Variants in PBLD observed in about 807,000 individuals in gnomAD.
The protein encoded by PBLD is phenazine biosynthesis like protein domain containing.
In PBLD, 26 loss-of-function variants were observed where a neutral mutation model predicts 31.3. That is an observed-to-expected ratio of 0.83 (90% CI 0.61 to 1.15). The LOEUF (loss-of-function observed/expected upper bound fraction) is 1.15. Ranked by LOEUF, PBLD falls within the 50% of genes most tolerant of loss-of-function variation. The pLI, the probability that PBLD is intolerant of heterozygous loss-of-function variation, is 0.00. For missense variants in PBLD, 307 were observed against 351.7 expected (o/e 0.87, Z 1.02); for synonymous variants, 114 against 129.0 (o/e 0.88, Z 0.79).
intron 1 of PBLD, chr10:68,332,099 A>G (rs1428360626): frequency 1.3e-5 from 2 of 152,196 alleles, no homozygotes; most frequent in Non-Finnish European, 2.9e-5. Flanking sequence ...AGCGGTTGTC[A>G]CCGCTGGAGA....
Position 68,310,614 on chromosome 10 carries a change from AC to A in PBLD, c.-59-3712del, listed in dbSNP as rs2044653574. 1.4e-5 allele frequency among the ~76,000 whole-genome samples: 2 copies of A among 142,392 alleles called. 1 individual carries two copies. The highest frequency in any genetic ancestry group is 5.2e-5 in the African/African-American group (2 of 38,582). The allele number at this position is 142,392 out of a possible 152,430, so 93.4% of individuals were successfully genotyped here. A position where few individuals can be genotyped will look rare whatever the true frequency, so the allele number is the denominator to read the frequency against. On this transcript the variant is annotated intron_variant, in intron 1 of 9. Transcript: ENST00000358769. Reference sequence around the variant, plus strand: ...TCCCCAACCACTCCCCTCCCCAGCCACCCCCACCTCTGACAACCACCATTCT... The same window carrying A: ...TCCCCAACCACTCCCCTCCCCAGCCACCCCACCTCTGACAACCACCATTCT...
At chr10:68,286,085 C>CTGTTT (rs770054927) in intron 8 of PBLD, among the ~76,000 whole-genome samples, 23 of 103,422 alleles carry the variant, frequency 2.2e-4, no homozygotes, top group African/African-American at 8.4e-4. Context: ...TTGAATAATT[C>CTGTTT]TTTTTTTTTT....
intron 1 of PBLD, among the ~76,000 whole-genome samples, chr10:68,310,887 A>AGAC (rs2044658665): frequency 7.3e-6 from 1 of 137,772 alleles, no homozygotes; most frequent in Admixed American, 7.9e-5. Flanking sequence ...AAAATATCAT[A>AGAC]AGCTGAAAAT....
At chr10:68,300,348 C>A (rs2134457538) in intron 2 of PBLD, among the ~76,000 whole-genome samples, 1 of 152,268 alleles carries the variant, frequency 6.6e-6, no homozygotes, top group South Asian at 2.1e-4. Context: ...CTGCCCATCA[C>A]AAAGACAAAC....
At chr10:68,319,051 GAGAGAAAGAAAGAAAGAAAGAAAGAA>G (rs1564737358) in intron 1 of PBLD, among the ~76,000 whole-genome samples, 3 of 98,710 alleles carry the variant, frequency 3.0e-5, no homozygotes, top group African/African-American at 1.4e-4. Context: ...GAAAGAAAGA[GAGAGAAAGAAAGAAAGAAAGAAAGAA>G]AGAAAGAAAG....
intron 1 of PBLD, among the ~76,000 whole-genome samples, chr10:68,310,142 A>G (rs2044646053): frequency 6.7e-6 from 1 of 150,038 alleles, no homozygotes. Flanking sequence ...TCTCAAAAAG[A>G]AAAAAGAAAA....
intron 1 of PBLD, among the ~76,000 whole-genome samples, chr10:68,313,130 G>T (rs184440024): frequency 2.0e-4 from 30 of 152,186 alleles, no homozygotes; most frequent in African/African-American, 7.0e-4. Flanking sequence ...GCCCAAGCTG[G>T]TCTCAAACTC....
chr10:68,316,069 A>C (rs1384925759), intron 1 of PBLD, among the ~76,000 whole-genome samples: 2 of 152,220 alleles, frequency 1.3e-5, no homozygotes, highest in Non-Finnish European at 2.9e-5. Context: ...TCAACAACAA[A>C]AAAGAGGTGT....
At chr10:68,316,231 A>G (rs1268148549) in intron 1 of PBLD, among the ~76,000 whole-genome samples, 1 of 152,200 alleles carries the variant, frequency 6.6e-6, no homozygotes, top group Non-Finnish European at 1.5e-5. Context: ...CCAAGTCTAA[A>G]AAACTAAAGC....
At chr10:68,298,141 A>G (rs2044456167) in intron 2 of PBLD, among the ~76,000 whole-genome samples, 1 of 152,106 alleles carries the variant, frequency 6.6e-6, no homozygotes, top group Admixed American at 6.6e-5. Flanking sequence ...TATGGTCCAG[A>G]CTATACGGGA....
intron 1 of PBLD, among the ~76,000 whole-genome samples, chr10:68,330,506 T>G (rs16925325): frequency 0.098 from 14,988 of 152,196 alleles, 1,068 homozygotes; most frequent in South Asian, 0.22. Flanking sequence ...ACACCCCACG[T>G]ATGTTCCTAC....
chr10:68,321,188 C>G (rs1164227912), intron 1 of PBLD, among the ~76,000 whole-genome samples: 1 of 151,868 alleles, frequency 6.6e-6, no homozygotes, highest in Admixed American at 6.6e-5. Flanking sequence ...TTTCTTTCTT[C>G]TTTTAATATT....
intron 1 of PBLD, among the ~76,000 whole-genome samples, chr10:68,322,912 A>T (rs893919893): frequency 4.6e-5 from 7 of 151,854 alleles, no homozygotes; most frequent in African/African-American, 1.5e-4. Flanking sequence ...CTTAAAAAAA[A>T]AATTTGTTAG....
chr10:68,309,657 A>T (rs1313102421), intron 1 of PBLD, among the ~76,000 whole-genome samples: 2 of 148,576 alleles, frequency 1.3e-5, no homozygotes, highest in Admixed American at 6.9e-5. Context: ...AAAATACAGA[A>T]ATCAGCTGGG....
chr10:68,319,093 A>AAG (rs1489485278), intron 1 of PBLD, among the ~76,000 whole-genome samples: 1 of 134,354 alleles, frequency 7.4e-6, no homozygotes, highest in Non-Finnish European at 1.5e-5. Flanking sequence ...GAAAGAAAGA[A>AAG]AGAAAGAAAG....
rs568770802 is a variant in PBLD at position 68,330,462 on chromosome 10, T to C, written c.-60+2322A>G. Among the ~76,000 whole-genome samples the C allele has an allele frequency of 3.3e-5, 5 of 152,292 alleles. No homozygotes were observed. In the South Asian group the frequency reaches 1.0e-3, roughly 32 times the overall value. ...ATTGAAGATTGTCTACAATCTAGCT[T>C]CATCCACATTTCTAACATTACCCCA... On this transcript the variant is annotated intron_variant, in intron 1 of 9. Transcript: ENST00000358769.
chr10:68,329,469 G>A (rs191890539), intron 1 of PBLD, among the ~76,000 whole-genome samples: 4 of 152,312 alleles, frequency 2.6e-5, no homozygotes, highest in African/African-American at 7.2e-5. Context: ...AAGGAGTGAA[G>A]GAGATTACAG....
In PBLD at chr10:68,284,182, C is replaced by T. The variant is rs766189720; in HGVS notation, c.862G>A (p.Ala288Thr). The change falls in exon 10 of 10, where the codon GCC becomes ACC. Residue 288 changes from alanine to threonine, a missense_variant. Ala to Thr is a moderately conservative substitution (Grantham distance 58). Transcript: ENST00000358769. ...AAVVLEGTLT[A>T] ...GCGTCACAGCATAACCACCTCTAGG[C>T]TGTCAGTGTGCCCTCTAAAACAACA... is the stretch of plus-strand genomic sequence containing the variant. 2.9e-5 allele frequency: 46 copies of T among 1,613,098 alleles called. No individual in the cohort carries two copies. Among genetic ancestry groups the T allele is most frequent in the Non-Finnish European group, 3.6e-5 (43 of 1,179,232 alleles).
chr10:68,312,759 G>A (rs1228855503), intron 1 of PBLD, among the ~76,000 whole-genome samples: 1 of 406 alleles, frequency 2.5e-3, no homozygotes, highest in African/African-American at 3.4e-3. Flanking sequence ...ACAGGCGCCC[G>A]CCACCATGGC....
Sources: allele counts gnomAD v4.1 joint callset (sites outside exome capture counted in the v4.1 genomes callset), GRCh38; gene constraint gnomAD v4.1.1; transcripts MANE v1.5; gene names NCBI Gene and HGNC (gene_info 2026-07-23, HGNC 2026-07-21).